The following LMBRD1 variants were observed in gnomAD, a reference collection of about 807,000 sequenced individuals.
LMBRD1 encodes the protein lysosomal cobalamin transport escort protein LMBD1.
Under a neutral mutation model 74.8 loss-of-function variants are expected in LMBRD1, and 64 were observed. That is an observed-to-expected ratio of 0.86 (90% CI 0.70 to 1.05). The LOEUF (loss-of-function observed/expected upper bound fraction) is 1.05. LMBRD1 is among the 50% of genes least tolerant of loss of function. The pLI, the probability that LMBRD1 is intolerant of heterozygous loss-of-function variation, is 0.00. For missense variants in LMBRD1, 652 were observed against 645.9 expected, an observed-to-expected ratio of 1.01 and a Z score of -0.10; for synonymous variants, 204 against 216.3, an observed-to-expected ratio of 0.94 and a Z score of 0.50.
At chr6:69,738,812 G>C (rs1235157457) in intron 6 of LMBRD1, among the ~76,000 whole-genome samples, 3 of 152,020 alleles carry the variant, frequency 2.0e-5, no homozygotes, top group Admixed American at 2.0e-4. Flanking sequence ...GGCCTGTATT[G>C]AGCGAGTTTA....
intron 2 of LMBRD1, among the ~76,000 whole-genome samples, chr6:69,780,943 T>C (rs1374825683): frequency 2.0e-5 from 3 of 152,088 alleles, no homozygotes; most frequent in South Asian, 2.1e-4. Flanking sequence ...ATAGATTAAA[T>C]TGAGCTTTTG....
intron 3 of LMBRD1, among the ~76,000 whole-genome samples, chr6:69,759,562 C>T (rs970899070): frequency 6.6e-6 from 1 of 151,480 alleles, no homozygotes; most frequent in African/African-American, 2.4e-5. Context: ...ACCTGATATA[C>T]CACTTGAAAG....
chr6:69,699,286 T>A (rs1468270275), intron 12 of LMBRD1, 94 bp from the exon 13 acceptor site: 1 of 1,074,856 alleles, frequency 9.3e-7, no homozygotes, highest in East Asian at 2.4e-5. Context: ...TTTACACAGT[T>A]CAATCAACCA....
chr6:69,736,420 G>A (rs1426059351), intron 7 of LMBRD1, among the ~76,000 whole-genome samples: 1 of 152,018 alleles, frequency 6.6e-6, no homozygotes, highest in Middle Eastern at 3.2e-3. Flanking sequence ...TGCCCTAAGG[G>A]AACTGGGACT....
At chr6:69,715,684 A>G (rs572571617) in intron 8 of LMBRD1, among the ~76,000 whole-genome samples, 5 of 152,152 alleles carry the variant, frequency 3.3e-5, no homozygotes, top group Admixed American at 1.3e-4. Context: ...CAAATTTTCT[A>G]TTTACACACA....
At chr6:69,794,761 T>C (rs1766173438) in intron 1 of LMBRD1, among the ~76,000 whole-genome samples, 2 of 152,216 alleles carry the variant, frequency 1.3e-5, no homozygotes, top group South Asian at 4.1e-4. Context: ...AAATGTGATA[T>C]TTTGATATTG....
intron 1 of LMBRD1, 106 bp downstream of exon 1, chr6:69,796,707 G>T: frequency 9.6e-7 from 1 of 1,042,588 alleles, no homozygotes; most frequent in Non-Finnish European, 1.5e-6. Context: ...TAAAAGCGGG[G>T]CGGGGCGAAG....
intron 6 of LMBRD1, 78 bp downstream of exon 6, chr6:69,741,711 A>T (rs1767106320): frequency 1.1e-6 from 1 of 900,348 alleles, no homozygotes; most frequent in African/African-American, 1.7e-5. Context: ...TTAACAAAAT[A>T]CAAATAAACT....
chr6:69,730,099 G>C (rs143113307), intron 7 of LMBRD1, among the ~76,000 whole-genome samples: 3,617 of 151,854 alleles, frequency 0.024, 70 homozygotes, highest in Middle Eastern at 0.058. Flanking sequence ...TCTATTAATA[G>C]GTTGGCCCTA....
chr6:69,720,020 A>G (rs546796362), intron 7 of LMBRD1, among the ~76,000 whole-genome samples: 4 of 152,338 alleles, frequency 2.6e-5, no homozygotes, highest in African/African-American at 9.6e-5. Flanking sequence ...TCTGCTACCT[A>G]GCTGTCAACT....
At position 69,700,843 on chromosome 6, in the gene LMBRD1, T is replaced by A; in HGVS notation, c.1110A>T (p.Ile370=). The A allele has an allele frequency of 3.5e-6, 5 of 1,441,698 alleles. No homozygotes were observed. The highest frequency in any genetic ancestry group is 4.7e-6 in the Non-Finnish European group (5 of 1,059,810). 89.3% of individuals were successfully genotyped at this position (1,441,698 alleles called of 1,614,324 possible). The change falls in exon 12 of 16, where the codon ATA becomes ATT. Residue 370 remains isoleucine, a synonymous_variant. Coordinates refer to ENST00000649934, the MANE Select transcript of LMBRD1 (RefSeq NM_018368.4). ...AAATAAAGTACATAATAATAATTGTTATAAGAATATAATCAAGAGGGAAAA... is the reference window on the plus strand; with the variant it reads ...AAATAAAGTACATAATAATAATTGTAATAAGAATATAATCAAGAGGGAAAA... ...QTVFPLDYIL[I]TIIIMYFIFT... is the part of the protein sequence containing the mutation.
chr6:69,676,193 T>C lies in LMBRD1; in HGVS notation c.1588A>G (p.Ile530Val). The C allele has an allele frequency of 1.2e-6, 2 of 1,613,462 alleles. No homozygotes were observed. The highest frequency in any genetic ancestry group is 1.7e-6 in the Non-Finnish European group (2 of 1,179,618). ...TAGACAGAGGGCTCATCATCACTTA[T>C]GTCTGAATCTTCATCTACTCCTTCA... ...VIEGVDEDSDISDDEPSVYSA is the reference protein window; with the variant it reads ...VIEGVDEDSDVSDDEPSVYSA Residue 530 changes from isoleucine to valine, a missense_variant, in exon 16 of 16, where the codon ATA (isoleucine) becomes GTA (valine). Physicochemically the swap from Ile to Val is conservative, Grantham distance 29. Around this residue, in one of 3 missense-constraint regions of LMBRD1, gnomAD observed 51 missense variants for 46.9 expected, o/e 1.09. Coordinates refer to ENST00000649934, the MANE Select transcript of LMBRD1 (RefSeq NM_018368.4).
At chr6:69,726,555 G>A (rs770760276) in intron 7 of LMBRD1, among the ~76,000 whole-genome samples, 2 of 152,154 alleles carry the variant, frequency 1.3e-5, no homozygotes, top group Non-Finnish European at 2.9e-5. Context: ...CATAAGAAGA[G>A]TAAGATTCTG....
intron 3 of LMBRD1, among the ~76,000 whole-genome samples, chr6:69,775,011 G>GA (rs1562121831): frequency 1.2e-5 from 1 of 83,574 alleles, no homozygotes. Context: ...GGGAGGGAGG[G>GA]AGGGAGGGAG....
intron 12 of LMBRD1, 60 bp from the exon 13 acceptor site, chr6:69,699,252 C>T (rs1401274398): frequency 3.5e-6 from 5 of 1,434,176 alleles, no homozygotes; most frequent in Non-Finnish European, 4.9e-6. Flanking sequence ...GCATTAAATC[C>T]TTTTCTTGTG....
intron 9 of LMBRD1, among the ~76,000 whole-genome samples, chr6:69,712,188 T>A (rs1242644900): frequency 1.3e-5 from 2 of 152,164 alleles, no homozygotes; most frequent in Admixed American, 6.5e-5. Flanking sequence ...TGCTTCCAGA[T>A]ATACAATGAG....
At chr6:69,789,919 C>T (rs535414049) in intron 2 of LMBRD1, among the ~76,000 whole-genome samples, 4 of 152,360 alleles carry the variant, frequency 2.6e-5, no homozygotes, top group African/African-American at 9.6e-5. Context: ...TAATTCACTA[C>T]ACCATACTGA....
chr6:69,796,953 G>A lies in LMBRD1; in HGVS notation c.-72C>T, dbSNP rs1766250559. On this transcript the variant is annotated 5_prime_UTR_variant, in exon 1 of 16. Transcript: ENST00000649934. ...GGGAGGGGGAAAGGGGAGAGAGCGC[G>A]AGATATACTGCACCCGCGCACCCTA... is the stretch of plus-strand genomic sequence containing the variant. 4.6e-6 allele frequency: 6 copies of A among 1,294,300 alleles called. No homozygotes were observed. The highest frequency in any genetic ancestry group is 6.6e-6 in the Non-Finnish European group (6 of 906,058). 80.2% of individuals were successfully genotyped at this position (1,294,300 alleles called of 1,614,324 possible). A position where few individuals can be genotyped will look rare whatever the true frequency, so the allele number is the denominator to read the frequency against.
At chr6:69,720,056 G>C (rs796475431) in intron 7 of LMBRD1, among the ~76,000 whole-genome samples, 7 of 152,198 alleles carry the variant, frequency 4.6e-5, no homozygotes, top group African/African-American at 1.2e-4. Context: ...GATACCTTTA[G>C]TGTTAATTTT....
Sources: gnomAD v4.1 joint callset for allele counts (sites outside exome capture counted in the v4.1 genomes callset) on GRCh38, gnomAD v4.1.1 for gene constraint, gnomAD v4.1.1 regional missense constraint, MANE v1.5 for transcripts, NCBI Gene and HGNC (gene_info 2026-07-23, HGNC 2026-07-21) for gene names.